Variants in MDGA2 observed in about 807,000 individuals in gnomAD.
MDGA2 encodes the protein MAM domain-containing glycosylphosphatidylinositol anchor protein 2.
In MDGA2, 40 loss-of-function variants were observed where a neutral mutation model predicts 117.8. That is an observed-to-expected ratio of 0.34 (90% CI 0.26 to 0.44). The LOEUF is 0.44. Among genes scored for constraint, MDGA2 ranks in the 20% least tolerant of loss-of-function variants. The probability of loss-of-function intolerance (pLI) is 1.00; values close to 1 mark genes in which losing one functional copy is unlikely to be tolerated. For missense variants in MDGA2, 1,123 were observed against 1,250.6 expected (o/e 0.90, Z 1.54); for synonymous variants, 452 against 439.0 (o/e 1.03, Z -0.37).
chr14:47,388,832 G>A (rs764743767), intron 1 of MDGA2, among the ~76,000 whole-genome samples: 3 of 152,154 alleles, frequency 2.0e-5, no homozygotes, highest in Non-Finnish European at 2.9e-5. Flanking sequence ...ACTTTGGCCT[G>A]AGTCTAACTC....
chr14:47,189,078 T>C (rs1028039010), intron 3 of MDGA2, among the ~76,000 whole-genome samples: 1 of 152,132 alleles, frequency 6.6e-6, no homozygotes, highest in African/African-American at 2.4e-5. Flanking sequence ...TTGAGGTATT[T>C]TTCAGTTAAA....
chr14:47,394,159 T>C (rs1459176148), intron 1 of MDGA2, among the ~76,000 whole-genome samples: 1 of 152,134 alleles, frequency 6.6e-6, no homozygotes, highest in Non-Finnish European at 1.5e-5. Flanking sequence ...ACACATTTGT[T>C]AGCATGTGGC....
At chr14:47,105,080 G>A (rs1479565253) in intron 5 of MDGA2, among the ~76,000 whole-genome samples, 1 of 145,040 alleles carries the variant, frequency 6.9e-6, no homozygotes, top group Non-Finnish European at 1.5e-5. Flanking sequence ...ATACACTCAC[G>A]TTTCAAGGGT....
chr14:47,106,261 T>G (rs1880667996), intron 5 of MDGA2, among the ~76,000 whole-genome samples: 1 of 152,112 alleles, frequency 6.6e-6, no homozygotes, highest in South Asian at 2.1e-4. Flanking sequence ...AAAATTAAAT[T>G]TCGGCCCTCA....
At chr14:47,131,107 T>C (rs1882184702) in intron 5 of MDGA2, among the ~76,000 whole-genome samples, 1 of 152,014 alleles carries the variant, frequency 6.6e-6, no homozygotes, top group Non-Finnish European at 1.5e-5. Flanking sequence ...TAATTCTTTA[T>C]GCACATTCAT....
At chr14:47,516,677 G>C (rs1894758357) in intron 1 of MDGA2, among the ~76,000 whole-genome samples, 1 of 152,124 alleles carries the variant, frequency 6.6e-6, no homozygotes, top group Admixed American at 6.6e-5. Context: ...CCTGGACATT[G>C]TCCCTGTTCA....
chr14:47,432,650 C>T (rs1392724013), intron 1 of MDGA2, among the ~76,000 whole-genome samples: 1 of 151,080 alleles, frequency 6.6e-6, no homozygotes, highest in Non-Finnish European at 1.5e-5. Flanking sequence ...AGAATGGTTG[C>T]CTTGAATATA....
At chr14:46,959,495 CTTTA>C (rs1438818422) in intron 8 of MDGA2, among the ~76,000 whole-genome samples, 1 of 151,546 alleles carries the variant, frequency 6.6e-6, no homozygotes, top group Non-Finnish European at 1.5e-5. Flanking sequence ...TGAGCTTATG[CTTTA>C]TTTTTTAGGA....
At chr14:47,497,755 T>C (rs1399518348) in intron 1 of MDGA2, among the ~76,000 whole-genome samples, 1 of 152,160 alleles carries the variant, frequency 6.6e-6, no homozygotes, top group African/African-American at 2.4e-5. Flanking sequence ...AAAATAAACA[T>C]ATTAGTGTGT....
At chr14:46,845,712 A>G in intron 16 of MDGA2, 54 bp downstream of exon 16, 1 of 1,053,260 alleles carries the variant, frequency 9.5e-7, no homozygotes, top group South Asian at 1.6e-5. Context: ...TGTTAATTTA[A>G]TAGTAATGTT....
chr14:46,910,457 G>A (rs938170577), intron 10 of MDGA2, among the ~76,000 whole-genome samples: 2 of 151,844 alleles, frequency 1.3e-5, no homozygotes, highest in Non-Finnish European at 2.9e-5. Context: ...AACTTCTTTG[G>A]AACTGTTCCT....
intron 8 of MDGA2, among the ~76,000 whole-genome samples, chr14:47,026,889 C>T (rs1888492081): frequency 1.3e-5 from 2 of 152,056 alleles, no homozygotes; most frequent in African/African-American, 4.8e-5. Context: ...AAATTTAACT[C>T]AGTGGGGCGT....
chr14:47,582,086 T>A lies in MDGA2; in HGVS notation c.280+92431A>T, dbSNP rs150193654. Among the ~76,000 whole-genome samples, 1,213 of 152,038 alleles carry A rather than the reference T, an allele frequency of 8.0e-3. 21 individuals are homozygous for A. The highest frequency in any genetic ancestry group is 0.028 in the African/African-American group (1,152 of 41,540). On this transcript the variant is annotated intron_variant, in intron 1 of 16. Transcript: ENST00000399232. ...AGTAAGATAACAGACTTAAAATTCTTAGTACAGTGTTTGATATACAGTAAA... is the reference window on the plus strand; with the variant it reads ...AGTAAGATAACAGACTTAAAATTCTAAGTACAGTGTTTGATATACAGTAAA...
chr14:47,046,164 A>G (rs1889257483), intron 7 of MDGA2, among the ~76,000 whole-genome samples: 1 of 151,372 alleles, frequency 6.6e-6, no homozygotes, highest in South Asian at 2.1e-4. Flanking sequence ...AATAATAATA[A>G]TAAAGTAAAT....
chr14:47,489,479 G>A (rs752294570), intron 1 of MDGA2, among the ~76,000 whole-genome samples: 1 of 151,824 alleles, frequency 6.6e-6, no homozygotes, highest in Non-Finnish European at 1.5e-5. Flanking sequence ...TTGGTGGCCC[G>A]TTTTACTTTC....
intron 4 of MDGA2, among the ~76,000 whole-genome samples, chr14:47,140,309 C>A (rs1332070313): frequency 6.6e-6 from 1 of 152,018 alleles, no homozygotes; most frequent in African/African-American, 2.4e-5. Flanking sequence ...CAATGAAATT[C>A]TTCACAGATA....
At chr14:47,140,372 C>T (rs1882665569) in intron 4 of MDGA2, among the ~76,000 whole-genome samples, 1 of 151,992 alleles carries the variant, frequency 6.6e-6, no homozygotes. Context: ...CCCAAACAGC[C>T]AAAGCAATTT....
At chr14:47,532,041 G>A (rs1895111465) in intron 1 of MDGA2, among the ~76,000 whole-genome samples, 2 of 152,176 alleles carry the variant, frequency 1.3e-5, no homozygotes, top group Non-Finnish European at 2.9e-5. Context: ...CACCTCAGGA[G>A]CTCCTTATAA....
At chr14:47,011,406 A>G (rs990063784) in intron 8 of MDGA2, among the ~76,000 whole-genome samples, 1 of 152,040 alleles carries the variant, frequency 6.6e-6, no homozygotes, top group Non-Finnish European at 1.5e-5. Context: ...GTGAACTTTT[A>G]TAAGATAATC....
Sources: gnomAD v4.1 joint callset for allele counts (sites outside exome capture counted in the v4.1 genomes callset) on GRCh38, gnomAD v4.1.1 for gene constraint, MANE v1.5 for transcripts, NCBI Gene and HGNC (gene_info 2026-07-23, HGNC 2026-07-21) for gene names.